The following ABCC4 variants were observed in gnomAD, a reference collection of about 807,000 sequenced individuals.
The protein encoded by ABCC4 is ATP binding cassette subfamily C member 4 (PEL blood group).
In ABCC4, 102 loss-of-function variants were observed where a neutral mutation model predicts 168.5. The ratio of observed to expected loss-of-function variants is 0.61; its 90% confidence interval spans 0.52 to 0.71. The LOEUF is 0.71. ABCC4 is among the 30% of genes least tolerant of loss of function. The pLI is 0.00. For missense variants in ABCC4, 1,402 were observed against 1,605.8 expected (o/e 0.87, Z 2.17); for synonymous variants, 617 against 590.7 (o/e 1.04, Z -0.65).
chr13:95,108,036 G>C (rs978363235), intron 20 of ABCC4, among the ~76,000 whole-genome samples: 2 of 152,148 alleles, frequency 1.3e-5, no homozygotes, highest in African/African-American at 4.8e-5. Flanking sequence ...TCTGGTACCT[G>C]GGTTTGAGAC....
intron 20 of ABCC4, among the ~76,000 whole-genome samples, chr13:95,096,616 G>A (rs2034607119): frequency 6.6e-6 from 1 of 151,602 alleles, no homozygotes; most frequent in Non-Finnish European, 1.5e-5. Context: ...TTTCTCATCA[G>A]AAACAATGAA....
At chr13:95,157,557 GAA>G (rs2036912743) in intron 19 of ABCC4, among the ~76,000 whole-genome samples, 1 of 152,042 alleles carries the variant, frequency 6.6e-6, no homozygotes, top group Non-Finnish European at 1.5e-5. Context: ...AAAGAAAAGA[GAA>G]AGAGAGAGAG....
At position 95,161,215 on chromosome 13, in the gene ABCC4, A is replaced by G. The variant is rs200035611; in HGVS notation, c.2429T>C (p.Val810Ala). The G allele has an allele frequency of 6.2e-7, 1 of 1,608,050 alleles. No individual in the cohort carries two copies. The highest frequency in any genetic ancestry group is 1.3e-5 in the African/African-American group (1 of 74,884). The change falls in exon 19 of 31, where the codon GTA becomes GCA. Residue 810 changes from valine to alanine, a missense_variant. By Grantham distance (64) the Val-to-Ala change is moderately conservative. Around this residue, in one of 3 missense-constraint regions of ABCC4, gnomAD observed 1,007 missense variants for 1,127.3 expected, o/e 0.89. Transcript: ENST00000645237. ...TATTGGATTTCTATCAAAGAATAAT[A>G]CCGGAGCTTTCAGAATTGACTCAAA... ...KMFESILKAP[V>A]LFFDRNPIGR...
chr13:95,025,363 C>T, intron 30 of ABCC4, among the ~76,000 whole-genome samples: 1 of 41,222 alleles, frequency 2.4e-5, no homozygotes, highest in Non-Finnish European at 4.7e-5. Context: ...CCCCCACACA[C>T]ACCCACACCC....
chr13:95,058,496 G>A (rs574860756), intron 26 of ABCC4, among the ~76,000 whole-genome samples: 75 of 137,220 alleles, frequency 5.5e-4, no homozygotes, highest in African/African-American at 1.8e-3. Flanking sequence ...TTGAACCCAG[G>A]AGGCAGATAT....
At chr13:95,143,722 C>T (rs2036394966) in intron 19 of ABCC4, among the ~76,000 whole-genome samples, 2 of 152,120 alleles carry the variant, frequency 1.3e-5, no homozygotes, top group South Asian at 4.2e-4. Flanking sequence ...TAGCACTCTC[C>T]TAACATATGA....
chr13:95,206,502 T>C (rs2038784016), intron 8 of ABCC4, 30 bp downstream of exon 8: 3 of 1,606,470 alleles, frequency 1.9e-6, no homozygotes, highest in African/African-American at 2.7e-5. Flanking sequence ...CAAATGCACC[T>C]ACAACTTTAA....
rs76655656 is a variant in ABCC4 at position 95,035,443 on chromosome 13, A to G, written c.3736-704T>C. Among the ~76,000 whole-genome samples the G allele has an allele frequency of 9.2e-5, 14 of 152,326 alleles. No homozygotes were observed. In the East Asian group the frequency reaches 2.3e-3, roughly 25 times the overall value. On this transcript the variant is annotated intron_variant, in intron 29 of 30. Transcript: ENST00000645237. Reference sequence around the variant, plus strand: ...CTCTGCACAGAAGAAATCTCTAGAAATCCAATTTTCTCTTTGGATAAGACT... The same window carrying G: ...CTCTGCACAGAAGAAATCTCTAGAAGTCCAATTTTCTCTTTGGATAAGACT...
chr13:95,168,643 GAA>G (rs1266102547), intron 14 of ABCC4, among the ~76,000 whole-genome samples: 1 of 152,146 alleles, frequency 6.6e-6, no homozygotes, highest in Non-Finnish European at 1.5e-5. Flanking sequence ...TAAAACATTT[GAA>G]GACACTAAGC....
At chr13:95,285,030 G>C (rs1201217001) in intron 1 of ABCC4, among the ~76,000 whole-genome samples, 2 of 152,098 alleles carry the variant, frequency 1.3e-5, no homozygotes, top group Admixed American at 6.6e-5. Flanking sequence ...AGAATCATTT[G>C]AGTCCAGGAG....
intron 1 of ABCC4, among the ~76,000 whole-genome samples, chr13:95,252,861 T>G (rs553950453): frequency 1.8e-4 from 28 of 152,302 alleles, no homozygotes; most frequent in African/African-American, 6.7e-4. Flanking sequence ...CACAGGACTT[T>G]AACTAGATGA....
chr13:95,290,704 T>TCAA (rs1415379347), intron 1 of ABCC4, among the ~76,000 whole-genome samples: 16 of 23,660 alleles, frequency 6.8e-4, no homozygotes, highest in African/African-American at 2.8e-3. Flanking sequence ...AAACTCTGTC[T>TCAA]CAAAAAAAAA....
At chr13:95,190,266 G>A (rs886181503) in intron 9 of ABCC4, among the ~76,000 whole-genome samples, 1 of 152,170 alleles carries the variant, frequency 6.6e-6, no homozygotes, top group African/African-American at 2.4e-5. Context: ...TTGAGCACCG[G>A]AGGCTGAGGT....
chr13:95,152,926 A>C (rs750771730), intron 19 of ABCC4, among the ~76,000 whole-genome samples: 1 of 152,192 alleles, frequency 6.6e-6, no homozygotes, highest in Non-Finnish European at 1.5e-5. Flanking sequence ...TTGGCCTTAC[A>C]GTAAAACAGA....
At chr13:95,045,576 G>T (rs1473181118) in intron 27 of ABCC4, among the ~76,000 whole-genome samples, 1 of 152,180 alleles carries the variant, frequency 6.6e-6, no homozygotes, top group Admixed American at 6.6e-5. Context: ...GACGGGGATA[G>T]ATGATGTTGA....
chr13:95,102,774 C>A (rs559006812), intron 20 of ABCC4, among the ~76,000 whole-genome samples: 1 of 151,366 alleles, frequency 6.6e-6, no homozygotes. Context: ...GGGCCCGCCA[C>A]CACGCCCAGC....
At chr13:95,086,670 C>T (rs147968570) in intron 20 of ABCC4, among the ~76,000 whole-genome samples, 12 of 152,278 alleles carry the variant, frequency 7.9e-5, no homozygotes, top group South Asian at 4.1e-4. Flanking sequence ...CTTGTGCCAA[C>T]GAACATGTTT....
intron 13 of ABCC4, among the ~76,000 whole-genome samples, chr13:95,171,657 T>C (rs1036135520): frequency 2.0e-5 from 3 of 152,170 alleles, no homozygotes; most frequent in Non-Finnish European, 4.4e-5. Context: ...GTGTTAGCCC[T>C]GTCCTCCAGT....
At chr13:95,287,586 C>CA (rs35078344) in intron 1 of ABCC4, among the ~76,000 whole-genome samples, 1,774 of 136,568 alleles carry the variant, frequency 0.013, 20 homozygotes, top group African/African-American at 0.036. Context: ...GACTTCGTCT[C>CA]AAAAAAAAAA....
Sources: gnomAD v4.1 joint callset for allele counts (sites outside exome capture counted in the v4.1 genomes callset) on GRCh38, gnomAD v4.1.1 for gene constraint, gnomAD v4.1.1 regional missense constraint, MANE v1.5 for transcripts, NCBI Gene and HGNC (gene_info 2026-07-23, HGNC 2026-07-21) for gene names.